Variants in SUSD1 observed in about 807,000 individuals in gnomAD.
SUSD1 encodes sushi domain-containing protein 1.
Under a neutral mutation model 86.9 loss-of-function variants are expected in SUSD1, and 65 were observed. The observed-to-expected ratio is 0.75, with a 90% CI of 0.61 to 0.92. SUSD1 has a LOEUF of 0.92. Among genes scored for constraint, SUSD1 ranks in the 40% least tolerant of loss-of-function variants. The probability of loss-of-function intolerance (pLI) is 0.00; values close to 1 mark genes in which losing one functional copy is unlikely to be tolerated. For synonymous variants in SUSD1, 346 were observed against 350.0 expected (o/e 0.99, Z 0.13); for missense variants, 850 against 929.7 (o/e 0.91, Z 1.11).
At chr9:112,123,799 C>T (rs769570185) in intron 6 of SUSD1, among the ~76,000 whole-genome samples, 5 of 152,028 alleles carry the variant, frequency 3.3e-5, no homozygotes, top group South Asian at 2.1e-4. Flanking sequence ...CAGAGCAAGA[C>T]TCCATCTCAA....
intron 3 of SUSD1, among the ~76,000 whole-genome samples, chr9:112,145,759 G>A (rs1832783726): frequency 6.6e-6 from 1 of 152,008 alleles, no homozygotes; most frequent in African/African-American, 2.4e-5. Context: ...ATTGCTGAAG[G>A]AGCCCATCCA....
chr9:112,146,765 A>C (rs1267448276), intron 3 of SUSD1, among the ~76,000 whole-genome samples: 2 of 152,166 alleles, frequency 1.3e-5, no homozygotes, highest in African/African-American at 2.4e-5. Flanking sequence ...CCTTCCAAGT[A>C]GCTAGGACAA....
chr9:112,145,519 T>C (rs940508700), intron 3 of SUSD1, among the ~76,000 whole-genome samples: 3 of 152,066 alleles, frequency 2.0e-5, no homozygotes, highest in Non-Finnish European at 2.9e-5. Flanking sequence ...CGACCTCAAA[T>C]TGTCCACCCA....
chr9:112,167,761 T>G (rs1213848900), intron 1 of SUSD1, among the ~76,000 whole-genome samples: 1 of 152,214 alleles, frequency 6.6e-6, no homozygotes, highest in Non-Finnish European at 1.5e-5. Context: ...TGAGTGTATA[T>G]TAGTCTTTCT....
At chr9:112,138,824 T>C (rs1303723092) in intron 5 of SUSD1, among the ~76,000 whole-genome samples, 2 of 152,226 alleles carry the variant, frequency 1.3e-5, no homozygotes, top group East Asian at 1.9e-4. Context: ...TTTTAAGGGA[T>C]TGATTCACTT....
intron 12 of SUSD1, among the ~76,000 whole-genome samples, chr9:112,067,220 G>GT (rs1180737165): frequency 8.5e-5 from 13 of 152,210 alleles, no homozygotes; most frequent in African/African-American, 3.1e-4. Context: ...GATTGTAGCT[G>GT]TAAGTACCAG....
chr9:112,142,624 G>C (rs1014942893), intron 4 of SUSD1, 125 bp from the exon 5 acceptor site: 1 of 853,944 alleles, frequency 1.2e-6, no homozygotes, highest in Non-Finnish European at 1.8e-6. Context: ...TAAGTACACT[G>C]GTTCATTCCC....
At chr9:112,078,805 C>CTTTATATT in intron 11 of SUSD1, 81 bp from the exon 12 acceptor site, 1 of 844,576 alleles carries the variant, frequency 1.2e-6, no homozygotes, top group African/African-American at 2.0e-5. Context: ...TTTCCTTTTT[C>CTTTATATT]TTTCTCTTTT....
chr9:112,121,967 A>T (rs886070423), intron 6 of SUSD1, among the ~76,000 whole-genome samples: 9 of 152,330 alleles, frequency 5.9e-5, no homozygotes, highest in Admixed American at 5.2e-4. Context: ...TAGGAAAAAG[A>T]CTAACATGTG....
At chr9:112,173,181 A>C (rs935422927) in intron 1 of SUSD1, among the ~76,000 whole-genome samples, 2 of 152,164 alleles carry the variant, frequency 1.3e-5, no homozygotes, top group Non-Finnish European at 2.9e-5. Context: ...CAAGGAAGGA[A>C]TCTTAACCAG....
At chr9:112,050,665 G>A (rs1038703474) in intron 15 of SUSD1, among the ~76,000 whole-genome samples, 2 of 152,174 alleles carry the variant, frequency 1.3e-5, no homozygotes, top group African/African-American at 4.8e-5. Flanking sequence ...TTGACAGCCT[G>A]TTGCTAGGAC....
chr9:112,043,250 G>C (rs980975294), intron 15 of SUSD1, among the ~76,000 whole-genome samples: 3 of 152,254 alleles, frequency 2.0e-5, no homozygotes, highest in Admixed American at 6.5e-5. Context: ...ATTGCTCCTA[G>C]GGCTAACATC....
intron 8 of SUSD1, chr9:112,105,069 G>A (rs1475924984): frequency 6.6e-6 from 1 of 152,084 alleles, no homozygotes; most frequent in Non-Finnish European, 1.5e-5. Flanking sequence ...GAAACTGGTA[G>A]AGAGAAGCAG....
intron 5 of SUSD1, among the ~76,000 whole-genome samples, chr9:112,140,992 A>T (rs750409559): frequency 2.6e-5 from 4 of 152,210 alleles, no homozygotes; most frequent in Admixed American, 6.5e-5. Flanking sequence ...AATAAAAGAT[A>T]AAAAAATGAT....
At chr9:112,073,316 T>G (rs919117311) in intron 12 of SUSD1, among the ~76,000 whole-genome samples, 3 of 152,150 alleles carry the variant, frequency 2.0e-5, no homozygotes, top group Non-Finnish European at 4.4e-5. Context: ...TGGGAATAAA[T>G]AATTTCCTTT....
At chr9:112,169,174 G>A (rs1361521353) in intron 1 of SUSD1, 1 of 152,054 alleles carries the variant, frequency 6.6e-6, no homozygotes, top group Admixed American at 6.5e-5. Context: ...AAGACAGAGA[G>A]CACTCTACTC....
At chr9:112,064,174 G>A (rs776273861) in intron 12 of SUSD1, among the ~76,000 whole-genome samples, 20 of 151,968 alleles carry the variant, frequency 1.3e-4, no homozygotes, top group Non-Finnish European at 2.2e-4. Context: ...CCCTATAGCC[G>A]GGGTTCCCAA....
intron 14 of SUSD1, among the ~76,000 whole-genome samples, chr9:112,055,570 T>C (rs1256447341): frequency 6.6e-6 from 1 of 152,064 alleles, no homozygotes; most frequent in Non-Finnish European, 1.5e-5. Flanking sequence ...GAATGGAAAA[T>C]GGTATAGCAC....
chr9:112,122,677 C>T (rs946626622), intron 6 of SUSD1, among the ~76,000 whole-genome samples: 1 of 152,130 alleles, frequency 6.6e-6, no homozygotes, highest in African/African-American at 2.4e-5. Context: ...GAGATTTGTA[C>T]ACACATTTCA....
Sources: gnomAD v4.1 joint callset for allele counts (sites outside exome capture counted in the v4.1 genomes callset) on GRCh38, gnomAD v4.1.1 for gene constraint, MANE v1.5 for transcripts, NCBI Gene and HGNC (gene_info 2026-07-23, HGNC 2026-07-21) for gene names.